MRPS18A: variants seen among roughly 807,000 people sequenced by gnomAD.
MRPS18A encodes the protein large ribosomal subunit protein mL66.
A neutral mutation model predicts 22.7 loss-of-function variants in MRPS18A; 20 were observed. The observed-to-expected ratio is 0.88, with a 90% confidence interval of 0.62 to 1.28. The LOEUF is 1.28. Among genes scored for constraint, MRPS18A ranks in the 50% most tolerant of loss-of-function variants. MRPS18A has a pLI of 0.00. For missense variants in MRPS18A, 294 were observed against 262.6 expected (o/e 1.12, Z -0.83); for synonymous variants, 106 against 99.1 (o/e 1.07, Z -0.41).
chr6:43,680,766 G>A lies in MRPS18A; in HGVS notation c.144+323C>T, dbSNP rs370163092. ...GTCAACTTACTCTGGCTCTCTAGGC[G>A]TGCAACAATGCCTTAGTTTCCCCTT... On this transcript the variant is annotated intron_variant, in intron 2 of 5. Transcript: ENST00000372133. 2.1e-3 allele frequency among the ~76,000 whole-genome samples: 327 copies of A among 152,312 alleles called. 7 individuals carry two copies. The highest frequency in any genetic ancestry group is 1.0e-2 in the South Asian group (48 of 4,822).
At chr6:43,672,498 C>T (rs749808818) in intron 5 of MRPS18A, 26 of 465,422 alleles carry the variant, frequency 5.6e-5, no homozygotes, top group South Asian at 2.5e-4. Context: ...GACCTTTGGC[C>T]TCCTTTGGGG....
chr6:43,673,355 G>A lies in MRPS18A; in HGVS notation c.447-1449C>T, dbSNP rs1330366124. On this transcript the variant is annotated intron_variant, in intron 5 of 5. Transcript: ENST00000372133. The surrounding 1 kb of genome is among the most constrained non-coding windows in gnomAD (Gnocchi z 4.2). ...GGGGACCAGGGATGGCCCCTTTGCT[G>A]GCCTCTCCCAGGCTTCAGAGGGGTA... 6.6e-6 allele frequency among the ~76,000 whole-genome samples: 1 copy of A among 152,144 alleles called. No individual in the cohort carries two copies. Among genetic ancestry groups the A allele is most frequent in the Non-Finnish European group, 1.5e-5 (1 of 68,018 alleles).
Position 43,678,544 on chromosome 6 carries a change from T to A in MRPS18A, c.226A>T (p.Asn76Tyr), listed in dbSNP as rs930207549. 5.6e-6 allele frequency: 9 copies of A among 1,613,590 alleles called. No homozygotes were observed. Among genetic ancestry groups the A allele is most frequent in the Non-Finnish European group, 6.8e-6 (8 of 1,179,662 alleles). ...PSGQCPICRW[N>Y]LKHKYNYDDV... ...TCATAGTTATACTTGTGCTTCAGGT[T>A]CCAACGGCAGATGGGGCACTGGCCA... The change falls in exon 3 of 6, where the codon AAC becomes TAC. Residue 76 changes from asparagine to tyrosine, a missense_variant. Asn to Tyr is a moderately radical substitution (Grantham distance 143). Transcript: ENST00000372133.
chr6:43,675,373 T>C (rs753305472), intron 4 of MRPS18A, 102 bp from the exon 5 acceptor site: 2 of 1,592,488 alleles, frequency 1.3e-6, no homozygotes, highest in Non-Finnish European at 1.7e-6. Flanking sequence ...CATTGGGTGG[T>C]GAGTATAATT....
chr6:43,677,696 G>A (rs1447786993), intron 3 of MRPS18A, among the ~76,000 whole-genome samples: 4 of 152,116 alleles, frequency 2.6e-5, no homozygotes, highest in African/African-American at 9.7e-5. Flanking sequence ...GGGATCTGAG[G>A]CAAGTTCACA....
intron 1 of MRPS18A, among the ~76,000 whole-genome samples, chr6:43,686,420 T>C (rs1430172379): frequency 7.8e-4 from 119 of 152,366 alleles, no homozygotes; most frequent in Non-Finnish European, 1.5e-4. Flanking sequence ...AATCAGGCAA[T>C]ATCCAGACTT....
intron 1 of MRPS18A, 43 bp downstream of exon 1, chr6:43,687,625 C>T: frequency 6.7e-7 from 1 of 1,490,370 alleles, no homozygotes; most frequent in Non-Finnish European, 9.2e-7. Flanking sequence ...CAGTCTCTGC[C>T]GCTCTTCTTA....
chr6:43,678,920 T>A (rs1399738707), intron 2 of MRPS18A, among the ~76,000 whole-genome samples: 1 of 148,184 alleles, frequency 6.7e-6, no homozygotes, highest in Non-Finnish European at 1.5e-5. Flanking sequence ...ATCAATTGAA[T>A]GCTACCTTTC....
chr6:43,678,396 C>A (rs1196453725), intron 3 of MRPS18A, 122 bp downstream of exon 3: 8 of 726,448 alleles, frequency 1.1e-5, no homozygotes, highest in Non-Finnish European at 1.9e-5. Context: ...CAAAATGCTC[C>A]CATCTCTGGT....
At position 43,681,475 on chromosome 6, in the gene MRPS18A, A is replaced by G. The variant is rs540487266; in HGVS notation, c.113-355T>C. Among the ~76,000 whole-genome samples the G allele has an allele frequency of 1.2e-3, 189 of 152,372 alleles. 1 individual carries two copies. The highest frequency in any genetic ancestry group is 4.4e-3 in the African/African-American group (181 of 41,594). On this transcript the variant is annotated intron_variant, in intron 1 of 5. Transcript: ENST00000372133. ...GGCTAGCAATAAAAGAGGGTGGGGTAGTGGTATCTAAAAGACCTTCAAAAG... is the reference window on the plus strand; with the variant it reads ...GGCTAGCAATAAAAGAGGGTGGGGTGGTGGTATCTAAAAGACCTTCAAAAG...
rs1267191997 is a variant in MRPS18A at position 43,673,077 on chromosome 6, TC to T, written c.447-1172del. Among the ~76,000 whole-genome samples, 3 of 148,582 alleles carry T rather than the reference TC, an allele frequency of 2.0e-5. No homozygotes were observed. The highest frequency in any genetic ancestry group is 4.4e-5 in the Non-Finnish European group (3 of 67,512). On this transcript the variant is annotated intron_variant, in intron 5 of 5. Transcript: ENST00000372133. The surrounding 1 kb of genome is among the most constrained non-coding windows in gnomAD (Gnocchi z 4.2). ...ATCTCGGCTCACTGCAACTTCCGCCTCCTGGGTTTAAGCAATTCTCCTGCCT... is the reference window on the plus strand; with the variant it reads ...ATCTCGGCTCACTGCAACTTCCGCCTCTGGGTTTAAGCAATTCTCCTGCCT...
At chr6:43,681,052 TAA>T (rs749833864) in intron 2 of MRPS18A, 35 bp downstream of exon 2, 4 of 1,608,642 alleles carry the variant, frequency 2.5e-6, no homozygotes, top group African/African-American at 2.7e-5. Flanking sequence ...CTCCAAGCGT[TAA>T]AGAGGTTATA....
At chr6:43,672,890 G>C (rs1194692756) in intron 5 of MRPS18A, among the ~76,000 whole-genome samples, 1 of 152,106 alleles carries the variant, frequency 6.6e-6, no homozygotes, top group Non-Finnish European at 1.5e-5. Context: ...CCAAGTGTGT[G>C]CTGGGCAGGG....
At position 43,673,853 on chromosome 6, in the gene MRPS18A, C is replaced by A. The variant is rs1773896836; in HGVS notation, c.446+1349G>T. Among the ~76,000 whole-genome samples, 1 of 152,228 alleles carries A rather than the reference C, an allele frequency of 6.6e-6. No individual in the cohort carries two copies. Among genetic ancestry groups the A allele is most frequent in the Non-Finnish European group, 1.5e-5 (1 of 68,038 alleles). On this transcript the variant is annotated intron_variant, in intron 5 of 5. Transcript: ENST00000372133. The surrounding 1 kb of genome is among the most constrained non-coding windows in gnomAD (Gnocchi z 4.2). Reference sequence around the variant, plus strand: ...CGTGGCCTTTTGCAACCGACTAGCCCCCACACATCATCAATCCTGTGTCAC... The same window carrying A: ...CGTGGCCTTTTGCAACCGACTAGCCACCACACATCATCAATCCTGTGTCAC...
At chr6:43,686,994 A>C (rs1277417117) in intron 1 of MRPS18A, among the ~76,000 whole-genome samples, 4 of 152,186 alleles carry the variant, frequency 2.6e-5, no homozygotes, top group African/African-American at 9.7e-5. Context: ...TTAGAACCTA[A>C]GCTTTTCAGA....
At chr6:43,682,075 G>A (rs558977988) in intron 1 of MRPS18A, among the ~76,000 whole-genome samples, 15 of 152,336 alleles carry the variant, frequency 9.8e-5, no homozygotes, top group African/African-American at 2.6e-4. Context: ...GCTGAGGCGG[G>A]AAGAAATACT....
At chr6:43,675,472 C>T (rs1774001285) in intron 4 of MRPS18A, 22 bp downstream of exon 4, 3 of 1,614,170 alleles carry the variant, frequency 1.9e-6, no homozygotes, top group East Asian at 2.2e-5. Flanking sequence ...CTCTGCCCCT[C>T]TTGGTCCCCA....
chr6:43,675,207 G>C lies in MRPS18A; in HGVS notation c.441C>G (p.Leu147=). Reference sequence around the variant, plus strand: ...TCACACCCAGGCTTGCTTACCGGTTGAGTTGGGGTTTGCTCTTCGGAACAA... The same window carrying C: ...TCACACCCAGGCTTGCTTACCGGTTCAGTTGGGGTTTGCTCTTCGGAACAA... The part of the protein sequence containing the change: ...EGVVPKSKPQ[L]NRYLTRWAPG... The change falls in exon 5 of 6, where the codon CTC becomes CTG. Residue 147 remains leucine, a synonymous_variant. Coordinates refer to ENST00000372133, the MANE Select transcript of MRPS18A (RefSeq NM_018135.4). The C allele has an allele frequency of 3.3e-6, 5 of 1,516,604 alleles. No individual in the cohort carries two copies. The highest frequency in any genetic ancestry group is 4.4e-6 in the Non-Finnish European group (5 of 1,133,416). The allele number at this position is 1,516,604 out of a possible 1,614,324, so 93.9% of individuals were successfully genotyped here.
At position 43,671,600 on chromosome 6, in the gene MRPS18A, G is replaced by C; in HGVS notation, c.*162C>G. 1 of 788,492 alleles carries C rather than the reference G, an allele frequency of 1.3e-6. No individual in the cohort carries two copies. Among genetic ancestry groups the C allele is most frequent in the Non-Finnish European group, 2.0e-6 (1 of 492,214 alleles). 48.8% of individuals were successfully genotyped at this position (788,492 alleles called of 1,614,324 possible). Reference sequence around the variant, plus strand: ...CCAGCATTGCTACTGTGCAGGCCAAGGGTACTGAAGTTAGTCCCACTGTCC... The same window carrying C: ...CCAGCATTGCTACTGTGCAGGCCAACGGTACTGAAGTTAGTCCCACTGTCC... On this transcript the variant is annotated 3_prime_UTR_variant, in exon 6 of 6. Coordinates refer to ENST00000372133, the MANE Select transcript of MRPS18A (RefSeq NM_018135.4).
Sources: allele counts gnomAD v4.1 joint callset (sites outside exome capture counted in the v4.1 genomes callset), GRCh38; gene constraint gnomAD v4.1.1; non-coding constraint Gnocchi (gnomAD v3.1); transcripts MANE v1.5; gene names NCBI Gene and HGNC (gene_info 2026-07-23, HGNC 2026-07-21).